Variants in RGS6 observed in about 807,000 individuals in gnomAD.
RGS6 encodes the protein regulator of G protein signaling 6.
In RGS6, 30 loss-of-function variants were observed where a neutral mutation model predicts 78.5. That is an observed-to-expected ratio of 0.38 (90% confidence interval 0.29 to 0.52). The LOEUF (loss-of-function observed/expected upper bound fraction) is 0.52, where lower values mean the gene tolerates loss of function less well. Among genes scored for constraint, RGS6 ranks in the 20% least tolerant of loss-of-function variants. The pLI is 0.85. For synonymous variants in RGS6, 206 were observed against 206.0 expected (o/e 1.00, Z 0.00); for missense variants, 495 against 609.7 (o/e 0.81, Z 1.98).
intron 2 of RGS6, among the ~76,000 whole-genome samples, chr14:72,110,269 G>C (rs1162733101): frequency 6.6e-6 from 1 of 152,182 alleles, no homozygotes; most frequent in Non-Finnish European, 1.5e-5. Context: ...TTAACTCAGA[G>C]TATGTTGTCC....
chr14:72,171,880 A>G lies in RGS6; in HGVS notation c.85-180215A>G, dbSNP rs978160710. On this transcript the variant is annotated intron_variant, in intron 2 of 17. Transcript: ENST00000553525. ...ATTATACCACTTTGCTGAGGAGGCA[A>G]CTGAGACACAGAAATTAAGTAACTT... 6.6e-5 allele frequency among the ~76,000 whole-genome samples: 10 copies of G among 152,318 alleles called. No individual in the cohort carries two copies. In the South Asian group the frequency reaches 2.1e-3, roughly 32 times the overall value.
chr14:72,055,659 T>A (rs544523547), intron 2 of RGS6, among the ~76,000 whole-genome samples: 24 of 152,246 alleles, frequency 1.6e-4, no homozygotes, highest in Admixed American at 3.3e-4. Flanking sequence ...TTTTTTTTTT[T>A]AAATAAAAGC....
intron 2 of RGS6, among the ~76,000 whole-genome samples, chr14:72,196,435 C>G (rs2040176662): frequency 6.6e-6 from 1 of 152,176 alleles, no homozygotes; most frequent in African/African-American, 2.4e-5. Flanking sequence ...AGGAGCAGAG[C>G]TGAGCCTCCC....
chr14:72,194,562 A>G (rs751426496), intron 2 of RGS6, among the ~76,000 whole-genome samples: 2 of 151,968 alleles, frequency 1.3e-5, no homozygotes, highest in Non-Finnish European at 1.5e-5. Context: ...GGGTCTCACT[A>G]TGTTGCCCAG....
At chr14:72,445,771 C>T (rs995714299) in intron 3 of RGS6, among the ~76,000 whole-genome samples, 1 of 152,184 alleles carries the variant, frequency 6.6e-6, no homozygotes, top group Non-Finnish European at 1.5e-5. Context: ...AACAGGGTCC[C>T]TGCTCTCTTG....
At position 72,351,980 on chromosome 14, in the gene RGS6, T is replaced by C. The variant is rs1156333520; in HGVS notation, c.85-115T>C. The stretch of plus-strand genomic sequence containing the variant: ...TTTATTGACCAACTAGATGGGAGCT[T>C]TTTGTGATATCTATTGTTGACATCC... On this transcript the variant is annotated intron_variant, in intron 2 of 17. Transcript: ENST00000553525. The C allele has an allele frequency of 4.1e-6, 3 of 725,356 alleles. No individual in the cohort carries two copies. The African/African-American group carries it at 5.4e-5, about 13-fold the overall frequency. 44.9% of individuals were successfully genotyped at this position (725,356 alleles called of 1,614,324 possible). A position where few individuals can be genotyped will look rare whatever the true frequency, so the allele number is the denominator to read the frequency against.
intron 2 of RGS6, among the ~76,000 whole-genome samples, chr14:72,343,638 C>CT (rs36086827): frequency 0.46 from 70,414 of 151,712 alleles, 16,631 homozygotes; most frequent in South Asian, 0.6. Context: ...GCCCCGTTTT[C>CT]GTATCTTCTT....
rs532833981 is a variant in RGS6 at position 72,195,911 on chromosome 14, C to G, written c.85-156184C>G. 2.6e-5 allele frequency among the ~76,000 whole-genome samples: 4 copies of G among 152,304 alleles called. No homozygotes were observed. In the South Asian group the frequency reaches 6.2e-4, roughly 24 times the overall value. On this transcript the variant is annotated intron_variant, in intron 2 of 17. Coordinates refer to ENST00000553525, the MANE Select transcript of RGS6 (RefSeq NM_001204424.2). ...ATCGCAGAAGAGTCAATACCACACA[C>G]AAGATTTTGAACTTAAATTTATAGG...
intron 3 of RGS6, among the ~76,000 whole-genome samples, chr14:72,377,908 G>C (rs1333194804): frequency 1.3e-5 from 2 of 152,140 alleles, no homozygotes; most frequent in Non-Finnish European, 1.5e-5. Context: ...AGCCCAAGAG[G>C]GTTGCAGTAA....
intron 2 of RGS6, among the ~76,000 whole-genome samples, chr14:72,151,638 G>C (rs536794042): frequency 1.2e-4 from 18 of 152,192 alleles, no homozygotes; most frequent in African/African-American, 3.9e-4. Flanking sequence ...TGGCATCTCA[G>C]GTTTCACGTG....
chr14:72,226,193 GA>G (rs897845023), intron 2 of RGS6, among the ~76,000 whole-genome samples: 50 of 152,242 alleles, frequency 3.3e-4, no homozygotes, highest in African/African-American at 1.2e-3. Flanking sequence ...AATTTCAAAG[GA>G]AAAAACTGAA....
intron 2 of RGS6, among the ~76,000 whole-genome samples, chr14:72,123,008 C>T (rs745340436): frequency 1.3e-5 from 2 of 152,136 alleles, no homozygotes; most frequent in African/African-American, 2.4e-5. Context: ...ACTCTACCAC[C>T]CAGGCTGGAG....
intron 15 of RGS6, 43 bp from the exon 16 acceptor site, chr14:72,536,143 T>G (rs2097248862): frequency 7.0e-7 from 1 of 1,423,460 alleles, no homozygotes. Flanking sequence ...TTAGCACTGG[T>G]TGACAGCCCT....
rs534314681 is a variant in RGS6 at position 72,291,229 on chromosome 14, G to A, written c.85-60866G>A. 8.6e-5 allele frequency among the ~76,000 whole-genome samples: 13 copies of A among 152,040 alleles called. No homozygotes were observed. The South Asian group carries it at 2.7e-3, about 32-fold the overall frequency. ...TCTCCATCCCCATCTGCTTCCGTGA[G>A]CTTCATAGGCAAGCCACTCTCCATA... is the stretch of plus-strand genomic sequence containing the variant. On this transcript the variant is annotated intron_variant, in intron 2 of 17. Transcript: ENST00000553525.
chr14:72,406,990 C>T (rs553324818), intron 3 of RGS6, among the ~76,000 whole-genome samples: 9 of 152,198 alleles, frequency 5.9e-5, no homozygotes, highest in African/African-American at 1.4e-4. Context: ...TGAAAATAAC[C>T]GGTGAGAATA....
At chr14:72,465,914 C>G in intron 7 of RGS6, 92 bp downstream of exon 7, 1 of 989,720 alleles carries the variant, frequency 1.0e-6, no homozygotes. Context: ...TCTTTTGTCC[C>G]CCTTTTGTCC....
the RGS6 span, among the ~76,000 whole-genome samples, chr14:71,904,074 A>G: frequency 1.3e-5 from 2 of 152,364 alleles, no homozygotes; most frequent in Non-Finnish European, 1.5e-5. Flanking sequence ...TTTTTGTATA[A>G]TTAAATGCAC....
At chr14:72,278,573 T>C (rs1295904710) in intron 2 of RGS6, among the ~76,000 whole-genome samples, 3 of 152,208 alleles carry the variant, frequency 2.0e-5, no homozygotes, top group African/African-American at 7.2e-5. Context: ...AGGAAGTGTG[T>C]GTGTGGGTTT....
At chr14:72,609,753 T>A in the RGS6 span, among the ~76,000 whole-genome samples, 1 of 152,206 alleles carries the variant, frequency 6.6e-6, no homozygotes. Flanking sequence ...TTGCTGTCGT[T>A]GCTTTTTAGA....
Sources: gnomAD v4.1 joint callset for allele counts (sites outside exome capture counted in the v4.1 genomes callset) on GRCh38, gnomAD v4.1.1 for gene constraint, MANE v1.5 for transcripts, NCBI Gene and HGNC (gene_info 2026-07-23, HGNC 2026-07-21) for gene names.